Variants in SYT9 observed in about 807,000 individuals in gnomAD.
SYT9 encodes synaptotagmin-9.
A neutral mutation model predicts 48.4 loss-of-function variants in SYT9; 22 were observed. That is an observed-to-expected ratio of 0.45 (90% confidence interval 0.32 to 0.65). SYT9 has a LOEUF of 0.65. Among genes scored for constraint, SYT9 ranks in the 30% least tolerant of loss-of-function variants. SYT9 has a pLI of 0.03. For missense variants in SYT9, 577 were observed against 622.0 expected (o/e 0.93, Z 0.77); for synonymous variants, 265 against 245.0 (o/e 1.08, Z -0.76).
chr11:7,342,806 G>A (rs1169443738), intron 3 of SYT9, among the ~76,000 whole-genome samples: 1 of 152,214 alleles, frequency 6.6e-6, no homozygotes, highest in Non-Finnish European at 1.5e-5. Context: ...CTCCATGAGG[G>A]CCCTGCCCCT....
intron 3 of SYT9, among the ~76,000 whole-genome samples, chr11:7,373,606 T>C (rs1419132454): frequency 1.3e-5 from 2 of 152,110 alleles, no homozygotes; most frequent in East Asian, 1.9e-4. Flanking sequence ...CTGCAGGGTG[T>C]ACCTAGGGCA....
intron 6 of SYT9, among the ~76,000 whole-genome samples, chr11:7,427,064 C>G (rs202107714): frequency 6.6e-6 from 1 of 150,720 alleles, no homozygotes; most frequent in East Asian, 1.9e-4. Context: ...ATCTCTGTTA[C>G]GTAGGTATTG....
chr11:7,418,195 A>C (rs1261373266), intron 5 of SYT9, 67 bp downstream of exon 5: 1 of 1,535,350 alleles, frequency 6.5e-7, no homozygotes, highest in African/African-American at 1.4e-5. Flanking sequence ...GCAGAGGGGG[A>C]GCAGCAGCCA....
At chr11:7,265,367 C>T (rs917025474) in intron 1 of SYT9, among the ~76,000 whole-genome samples, 1 of 152,110 alleles carries the variant, frequency 6.6e-6, no homozygotes, top group South Asian at 2.1e-4. Context: ...CCCCTTGCAA[C>T]TCAAAGATTT....
At chr11:7,423,648 G>T (rs577369423) in intron 6 of SYT9, among the ~76,000 whole-genome samples, 2 of 152,276 alleles carry the variant, frequency 1.3e-5, no homozygotes, top group South Asian at 4.1e-4. Flanking sequence ...CCCACATTCT[G>T]AGGGGCTGCT....
At chr11:7,353,856 A>G (rs1442395135) in intron 3 of SYT9, among the ~76,000 whole-genome samples, 1 of 152,210 alleles carries the variant, frequency 6.6e-6, no homozygotes, top group East Asian at 1.9e-4. Flanking sequence ...AATTATATTC[A>G]TGTATTATTT....
At chr11:7,411,121 C>T (rs1483182552) in intron 3 of SYT9, among the ~76,000 whole-genome samples, 1 of 152,220 alleles carries the variant, frequency 6.6e-6, no homozygotes. Context: ...TCCCAAAATG[C>T]TAGGATTGCA....
Position 7,346,183 on chromosome 11 carries a change from T to C in SYT9, c.1044+32242T>C, listed in dbSNP as rs559897971. On this transcript the variant is annotated intron_variant, in intron 3 of 6. Coordinates refer to ENST00000318881, the MANE Select transcript of SYT9 (RefSeq NM_175733.4). The stretch of plus-strand genomic sequence containing the variant: ...ATGACAGGAACAGGAGGCAGCATGT[T>C]TAAATAGCTCCGTGGCACATTTGGC... Among the ~76,000 whole-genome samples, 6 of 152,254 alleles carry C rather than the reference T, an allele frequency of 3.9e-5. No homozygotes were observed. In the South Asian group the frequency reaches 1.2e-3, roughly 32 times the overall value.
Position 7,252,649 on chromosome 11 carries a change from C to G in SYT9, c.145+318C>G, listed in dbSNP as rs917333567. Among the ~76,000 whole-genome samples the G allele has an allele frequency of 3.9e-5, 6 of 152,216 alleles. No homozygotes were observed. The highest frequency in any genetic ancestry group is 7.3e-5 in the Non-Finnish European group (5 of 68,040). On this transcript the variant is annotated intron_variant, in intron 1 of 6. Transcript: ENST00000318881. This position sits in a 1 kb window ranked among gnomAD's most constrained non-coding sequence, Gnocchi z 6.3. ...GCTCCGAGCTACGCTCTCCACTTCC[C>G]GGGCTATCTGCACTCAGAGCGAGGG...
intron 6 of SYT9, among the ~76,000 whole-genome samples, chr11:7,454,443 C>T (rs55975943): frequency 0.13 from 20,069 of 152,196 alleles, 1,495 homozygotes; most frequent in Middle Eastern, 0.26. Flanking sequence ...CAAGCACGGA[C>T]ACAGTCCCTT....
At chr11:7,261,547 A>C (rs1183744046) in intron 1 of SYT9, among the ~76,000 whole-genome samples, 1 of 152,158 alleles carries the variant, frequency 6.6e-6, no homozygotes, top group African/African-American at 2.4e-5. Flanking sequence ...GATAATAGGT[A>C]CATAAATTAT....
At chr11:7,246,514 T>C (rs532983839) in intron 1 of SYT9, among the ~76,000 whole-genome samples, 7 of 152,332 alleles carry the variant, frequency 4.6e-5, no homozygotes, top group East Asian at 1.9e-4. Context: ...AATTTCCATG[T>C]ACTTTTTAAT....
intron 3 of SYT9, among the ~76,000 whole-genome samples, chr11:7,324,843 GATT>G (rs1849400810): frequency 6.6e-6 from 1 of 151,976 alleles, no homozygotes; most frequent in Non-Finnish European, 1.5e-5. Context: ...CTCTTGAAAA[GATT>G]ATGTCTCACT....
chr11:7,267,289 T>C (rs1291998949), intron 1 of SYT9, among the ~76,000 whole-genome samples: 1 of 151,926 alleles, frequency 6.6e-6, no homozygotes, highest in Non-Finnish European at 1.5e-5. Flanking sequence ...GTTATAGAGT[T>C]AAAATAATAA....
At chr11:7,263,166 C>G (rs1848110960) in intron 1 of SYT9, among the ~76,000 whole-genome samples, 1 of 152,154 alleles carries the variant, frequency 6.6e-6, no homozygotes, top group Non-Finnish European at 1.5e-5. Context: ...TTGCACTGCC[C>G]TAGCAAAACT....
At chr11:7,448,282 CT>C (rs1847973682) in intron 6 of SYT9, among the ~76,000 whole-genome samples, 1 of 152,240 alleles carries the variant, frequency 6.6e-6, no homozygotes, top group South Asian at 2.1e-4. Flanking sequence ...GGGATTTATT[CT>C]GAATGCAGCC....
intron 6 of SYT9, chr11:7,437,543 T>C (rs2134128719): frequency 6.6e-6 from 1 of 152,258 alleles, no homozygotes; most frequent in Non-Finnish European, 1.5e-5. Context: ...AAACGACCAC[T>C]GTATTTGGAT....
intron 3 of SYT9, among the ~76,000 whole-genome samples, chr11:7,383,704 A>G (rs905957016): frequency 6.6e-6 from 1 of 152,158 alleles, no homozygotes; most frequent in Non-Finnish European, 1.5e-5. Flanking sequence ...TATGCTGTAG[A>G]TATTAGTTTC....
At chr11:7,376,825 A>G (rs184627254) in intron 3 of SYT9, among the ~76,000 whole-genome samples, 1 of 152,066 alleles carries the variant, frequency 6.6e-6, no homozygotes, top group Non-Finnish European at 1.5e-5. Context: ...GAGAGCATAC[A>G]GGGATGGAAA....
Sources: gnomAD v4.1 joint callset for allele counts (sites outside exome capture counted in the v4.1 genomes callset) on GRCh38, gnomAD v4.1.1 for gene constraint, Gnocchi (gnomAD v3.1) non-coding constraint, MANE v1.5 for transcripts, NCBI Gene and HGNC (gene_info 2026-07-23, HGNC 2026-07-21) for gene names.